The following PI4KA variants were observed in gnomAD, a reference collection of about 807,000 sequenced individuals.
PI4KA encodes PI4-kinase alpha.
PI4KA carries 122 observed loss-of-function variants against 271.4 expected under a neutral mutation model. That is an observed-to-expected ratio of 0.45 (90% CI 0.39 to 0.52). The LOEUF (loss-of-function observed/expected upper bound fraction) is 0.52. Ranked by LOEUF, PI4KA falls within the 20% of genes least tolerant of loss-of-function variation. PI4KA has a pLI of 0.00. For missense variants in PI4KA, 1,969 were observed against 2,769.1 expected, an observed-to-expected ratio of 0.71 and a Z score of 6.48; for synonymous variants, 1,041 against 1,078.8, an observed-to-expected ratio of 0.96 and a Z score of 0.69.
In PI4KA at chr22:20,796,361, G is replaced by A. The variant is rs199659218; in HGVS notation, c.2109-47C>T. 2,998 of 1,572,856 alleles carry A rather than the reference G, an allele frequency of 1.9e-3. 3 individuals carry two copies. Among genetic ancestry groups the A allele is most frequent in the Non-Finnish European group, 2.4e-3 (2,736 of 1,153,790 alleles). ...AACAGCCACTGCCAGGCCCTCAACC[G>A]TCCCCAAGGGACGGCACTGCAGGGG... On this transcript the variant is annotated intron_variant, in intron 17 of 54. Transcript: ENST00000255882.
In PI4KA at chr22:20,746,038, C is replaced by CA. The variant is rs11330592; in HGVS notation, c.3364-1319dup. On this transcript the variant is annotated intron_variant, in intron 29 of 54. Coordinates refer to ENST00000255882, the MANE Select transcript of PI4KA (RefSeq NM_058004.4). The stretch of plus-strand genomic sequence containing the variant: ...ATTTTTACTAGAGATGGGGTTTCAT[C>CA]AAAAAAAAAAAAAAAAAAAAGAATT... Among the ~76,000 whole-genome samples, 519 of 60,362 alleles carry CA rather than the reference C, an allele frequency of 8.6e-3. 3 individuals carry two copies. Among genetic ancestry groups the CA allele is most frequent in the Middle Eastern group, 0.038 (2 of 52 alleles). The allele number at this position is 60,362 out of a possible 152,430, so 39.6% of individuals were successfully genotyped here. A position where few individuals can be genotyped will look rare whatever the true frequency, so the allele number is the denominator to read the frequency against.
rs1377175539 is a variant in PI4KA at position 20,734,204 on chromosome 22, A to C, written c.3901-10T>G. 6.5e-7 allele frequency: 1 copy of C among 1,537,302 alleles called. No homozygotes were observed. The highest frequency in any genetic ancestry group is 1.4e-5 in the African/African-American group (1 of 72,192). On this transcript the variant is annotated splice_polypyrimidine_tract_variant and intron_variant, in intron 33 of 54. Coordinates refer to ENST00000255882, the MANE Select transcript of PI4KA (RefSeq NM_058004.4). ...ACCGCTGCACCAGGAACTGAGCGAA[A>C]AGAGGAAGACGCTGTGGTGGTGGGG...
At position 20,729,425 on chromosome 22, in the gene PI4KA, T is replaced by G; in HGVS notation, c.4570A>C (p.Ser1524Arg). ...ELELDQAGEN[S>R]VANWRSKYIS... ...TACTTAGATCTCCAGTTGGCCACGC[T>G]GTTCTCTCCGGCCTGGTCTAGTTCC... The change falls in exon 39 of 55, where the codon AGC (serine) becomes CGC (arginine). Residue 1524 changes from serine (S) to arginine (R), a missense_variant. Around this residue, in one of 13 missense-constraint regions of PI4KA, gnomAD observed 388 missense variants for 521.5 expected, o/e 0.74. Transcript: ENST00000255882. 1 of 1,613,514 alleles carries G rather than the reference T, an allele frequency of 6.2e-7. No individual in the cohort carries two copies. The highest frequency in any genetic ancestry group is 8.5e-7 in the Non-Finnish European group (1 of 1,179,694).
chr22:20,733,650 G>C (rs1928336741), intron 35 of PI4KA, 86 bp downstream of exon 35: 8 of 1,608,280 alleles, frequency 5.0e-6, no homozygotes, highest in Non-Finnish European at 1.7e-6. Context: ...ATTCCTGTGA[G>C]TGACTTCCTG....
chr22:20,759,873 T>A (rs558969997), intron 23 of PI4KA, among the ~76,000 whole-genome samples: 1 of 152,220 alleles, frequency 6.6e-6, no homozygotes, highest in Non-Finnish European at 1.5e-5. Flanking sequence ...CCAATTTTTT[T>A]ATTTTTAGTA....
intron 19 of PI4KA, among the ~76,000 whole-genome samples, chr22:20,769,602 G>C (rs112685255): frequency 1.3e-5 from 2 of 151,470 alleles, no homozygotes; most frequent in African/African-American, 4.9e-5. Context: ...CCAGGAGGCC[G>C]AGGTTGCAGT....
chr22:20,747,675 C>T lies in PI4KA; in HGVS notation c.3271G>A (p.Val1091Ile). The T allele has an allele frequency of 1.4e-5, 22 of 1,613,844 alleles. No homozygotes were observed. The highest frequency in any genetic ancestry group is 1.9e-5 in the Non-Finnish European group (22 of 1,179,786). ...QEYLNKHQNW[V>I]SGLSQHTGLA... ...CCCGTGTGCTGGGACAGTCCCGATACCCAGTTCTGATGTTTGTTCAGATAT... is the reference window on the plus strand; with the variant it reads ...CCCGTGTGCTGGGACAGTCCCGATATCCAGTTCTGATGTTTGTTCAGATAT... The change falls in exon 29 of 55, where the codon GTA becomes ATA. Residue 1091 changes from valine to isoleucine, a missense_variant. By Grantham distance (29) the Val-to-Ile change is conservative. Transcript: ENST00000255882.
At chr22:20,755,385 C>T (rs954325561) in intron 23 of PI4KA, among the ~76,000 whole-genome samples, 3 of 152,122 alleles carry the variant, frequency 2.0e-5, no homozygotes, top group African/African-American at 7.2e-5. Context: ...GTACAGGCCT[C>T]CCTAGAATCA....
chr22:20,847,007 G>A (rs1926353261), intron 1 of PI4KA, among the ~76,000 whole-genome samples: 1 of 151,850 alleles, frequency 6.6e-6, no homozygotes, highest in Non-Finnish European at 1.5e-5. Flanking sequence ...AATTAGCTGG[G>A]TGTGGTGCAA....
At chr22:20,804,668 G>C (rs1935530713) in intron 11 of PI4KA, among the ~76,000 whole-genome samples, 1 of 152,302 alleles carries the variant, frequency 6.6e-6, no homozygotes, top group East Asian at 1.9e-4. Context: ...AAGGCACTGA[G>C]CTTCCATGTC....
At chr22:20,778,629 G>A (rs1358718608) in intron 19 of PI4KA, among the ~76,000 whole-genome samples, 1 of 152,158 alleles carries the variant, frequency 6.6e-6, no homozygotes, top group East Asian at 1.9e-4. Flanking sequence ...CTGGCCCATG[G>A]ACATTTTTCA....
chr22:20,790,701 C>CAA lies in PI4KA; in HGVS notation c.2328+2491_2328+2492insTT, dbSNP rs1434728891. Among the ~76,000 whole-genome samples the CAA allele has an allele frequency of 1.3e-3, 15 of 11,706 alleles. 1 individual carries two copies. In the East Asian group the frequency reaches 0.015, roughly 12 times the overall value. 7.7% of individuals were successfully genotyped at this position (11,706 alleles called of 152,430 possible). On this transcript the variant is annotated intron_variant, in intron 19 of 54. Coordinates refer to ENST00000255882, the MANE Select transcript of PI4KA (RefSeq NM_058004.4). ...AATAAAAAAATTTAAAAAAAACAAA[C>CAA]ACACACACACACACACACACACACA...
At chr22:20,811,812 G>C (rs1921064799) in intron 8 of PI4KA, among the ~76,000 whole-genome samples, 1 of 151,894 alleles carries the variant, frequency 6.6e-6, no homozygotes, top group Non-Finnish European at 1.5e-5. Context: ...AGGAGATCGA[G>C]ACCATCCTGG....
At chr22:20,833,657 G>GTTTTTT (rs361962) in intron 3 of PI4KA, among the ~76,000 whole-genome samples, 199 of 72,968 alleles carry the variant, frequency 2.7e-3, no homozygotes, top group East Asian at 8.3e-3. Context: ...GTTTGTTTTT[G>GTTTTTT]TTTTTTTTTT....
intron 8 of PI4KA, among the ~76,000 whole-genome samples, chr22:20,811,419 T>C (rs199852569): frequency 6.6e-6 from 1 of 152,130 alleles, no homozygotes; most frequent in Non-Finnish European, 1.5e-5. Context: ...AAGGACACCC[T>C]CACAGCCAGT....
At chr22:20,806,092 G>T (rs1282001493) in intron 10 of PI4KA, among the ~76,000 whole-genome samples, 2 of 152,148 alleles carry the variant, frequency 1.3e-5, no homozygotes, top group Non-Finnish European at 2.9e-5. Flanking sequence ...TTCTTAGGGA[G>T]TTTCAACCCT....
intron 52 of PI4KA, 23 bp downstream of exon 52, chr22:20,710,676 C>T (rs1418475957): frequency 5.0e-6 from 8 of 1,613,682 alleles, no homozygotes; most frequent in Non-Finnish European, 6.8e-6. Flanking sequence ...TCCGCCTCCA[C>T]CCTGGCCCTC....
intron 32 of PI4KA, 85 bp from the exon 33 acceptor site, chr22:20,734,638 A>G (rs1601363012): frequency 7.7e-7 from 1 of 1,305,722 alleles, no homozygotes; most frequent in East Asian, 2.3e-5. Context: ...AAAAAGGAAC[A>G]CGTGCTCACT....
Position 20,780,725 on chromosome 22 carries a change from G to A in PI4KA, c.2328+12468C>T, listed in dbSNP as rs553721445. 5.2e-4 allele frequency among the ~76,000 whole-genome samples: 74 copies of A among 141,406 alleles called. 1 individual carries two copies. The highest frequency in any genetic ancestry group is 4.5e-4 in the Non-Finnish European group (30 of 66,408). The allele number at this position is 141,406 out of a possible 152,430, so 92.8% of individuals were successfully genotyped here. On this transcript the variant is annotated intron_variant, in intron 19 of 54. Transcript: ENST00000255882. ...TGGAAGGCAGAGATTGCAGTGAGCC[G>A]AGACTGTGCCACTGCACTCTAGCCT... is the stretch of plus-strand genomic sequence containing the variant.
Sources: allele counts gnomAD v4.1 joint callset (sites outside exome capture counted in the v4.1 genomes callset), GRCh38; gene constraint gnomAD v4.1.1; regional missense constraint gnomAD v4.1.1; transcripts MANE v1.5; gene names NCBI Gene and HGNC (gene_info 2026-07-23, HGNC 2026-07-21).